Variants in MSI2 observed in about 807,000 individuals in gnomAD.
The protein encoded by MSI2 is musashi RNA binding protein 2, also known as RNA-binding protein Musashi homolog 2.
In MSI2, 17 loss-of-function variants were observed where a neutral mutation model predicts 45.6. The observed-to-expected ratio is 0.37, with a 90% CI of 0.26 to 0.56. The LOEUF (loss-of-function observed/expected upper bound fraction) is 0.56. Among genes scored for constraint, MSI2 ranks in the 20% least tolerant of loss-of-function variants. MSI2 has a pLI of 0.77. For synonymous variants in MSI2, 156 were observed against 158.2 expected (o/e 0.99, Z 0.11); for missense variants, 293 against 444.2 (o/e 0.66, Z 3.06).
At chr17:57,687,044 T>G (rs1445342262), downstream of MSI2, among the ~76,000 whole-genome samples, 1 of 148,984 alleles carries the variant, frequency 6.7e-6, no homozygotes, top group Non-Finnish European at 1.5e-5. Context: ...ATAATTAACA[T>G]GTGGCTATAA....
intron 5 of MSI2, among the ~76,000 whole-genome samples, chr17:57,375,687 A>G (rs921423851): frequency 6.6e-6 from 1 of 152,198 alleles, no homozygotes; most frequent in Non-Finnish European, 1.5e-5. Context: ...CCCAGCAAGA[A>G]TGGAGGCACA....
chr17:57,561,971 A>G (rs2087587350), intron 7 of MSI2, among the ~76,000 whole-genome samples: 1 of 152,222 alleles, frequency 6.6e-6, no homozygotes, highest in Non-Finnish European at 1.5e-5. Flanking sequence ...TATTATATAT[A>G]TAAGCTACTT....
At chr17:57,547,566 A>G (rs2087197529) in intron 7 of MSI2, among the ~76,000 whole-genome samples, 2 of 151,794 alleles carry the variant, frequency 1.3e-5, no homozygotes, top group Non-Finnish European at 2.9e-5. Context: ...GAGAGAGAAA[A>G]ATTAGAGTGA....
intron 7 of MSI2, among the ~76,000 whole-genome samples, chr17:57,594,228 G>A (rs1042814254): frequency 1.3e-5 from 2 of 152,194 alleles, no homozygotes; most frequent in African/African-American, 4.8e-5. Context: ...CCTCCGCAGT[G>A]CCACCCCTCC....
chr17:57,516,531 A>G (rs1197031287), intron 6 of MSI2, among the ~76,000 whole-genome samples: 5 of 152,166 alleles, frequency 3.3e-5, no homozygotes, highest in Admixed American at 6.5e-5. Flanking sequence ...TGATTTCACA[A>G]CTTTGTAGTT....
chr17:57,451,902 C>T (rs1464869074), intron 6 of MSI2, among the ~76,000 whole-genome samples: 1 of 152,198 alleles, frequency 6.6e-6, no homozygotes, highest in Non-Finnish European at 1.5e-5. Context: ...TCACCCTCAT[C>T]AGCTGGCTAG....
intron 5 of MSI2, among the ~76,000 whole-genome samples, chr17:57,346,231 ATT>A (rs923457943): frequency 6.6e-6 from 1 of 152,128 alleles, no homozygotes; most frequent in African/African-American, 2.4e-5. Flanking sequence ...GCTCACTTGT[ATT>A]TCGTGAGAAT....
At chr17:57,436,397 A>G (rs546053300) in intron 6 of MSI2, among the ~76,000 whole-genome samples, 1 of 152,312 alleles carries the variant, frequency 6.6e-6, no homozygotes, top group East Asian at 1.9e-4. Context: ...CAGATTATGG[A>G]AGGAGGAATG....
the MSI2 span, among the ~76,000 whole-genome samples, chr17:57,699,317 G>A: frequency 1.3e-5 from 2 of 150,290 alleles, no homozygotes; most frequent in East Asian, 4.1e-4. Context: ...CCATCACTGG[G>A]ACCATGAGGG....
chr17:57,633,238 G>T, intron 10 of MSI2: 5 of 959,702 alleles, frequency 5.2e-6, no homozygotes, highest in Non-Finnish European at 6.3e-6. Context: ...CGCTCCGGGG[G>T]AGGTGAATGC....
chr17:57,657,205 G>A (rs994768618), intron 11 of MSI2, among the ~76,000 whole-genome samples: 16 of 152,202 alleles, frequency 1.1e-4, no homozygotes, highest in East Asian at 3.8e-4. Context: ...TGGCAGAATC[G>A]GAATGAACAA....
intron 7 of MSI2, among the ~76,000 whole-genome samples, chr17:57,591,560 C>T (rs926120836): frequency 6.6e-6 from 1 of 151,572 alleles, no homozygotes; most frequent in Non-Finnish European, 1.5e-5. Flanking sequence ...CCCATCTCTA[C>T]AAAAAAATTA....
intron 6 of MSI2, among the ~76,000 whole-genome samples, chr17:57,502,608 T>TATATAG (rs1182429583): frequency 1.1e-5 from 1 of 94,402 alleles, no homozygotes; most frequent in Non-Finnish European, 2.1e-5. Context: ...CTGAGATATA[T>TATATAG]ATATATATAT....
In MSI2 at chr17:57,681,778, AACTT is replaced by A. The variant is rs1220297425; in HGVS notation, c.*2262_*2265del. 5.2e-6 allele frequency: 1 copy of A among 190,958 alleles called. No individual in the cohort carries two copies. Among genetic ancestry groups the A allele is most frequent in the Non-Finnish European group, 1.1e-5 (1 of 91,666 alleles). The allele number at this position is 190,958 out of a possible 1,614,324, so 11.8% of individuals were successfully genotyped here. On this transcript the variant is annotated 3_prime_UTR_variant, in exon 14 of 14. Transcript: ENST00000284073. ...ATGCTGAGCGCTTTTAAAATATCAA[AACTT>A]GTTCAAGTCATAAAACAACAAAACA...
chr17:57,505,073 G>T (rs1237133423), intron 6 of MSI2, among the ~76,000 whole-genome samples: 1 of 152,140 alleles, frequency 6.6e-6, no homozygotes, highest in African/African-American at 2.4e-5. Flanking sequence ...AGGAGGTTGG[G>T]GTCACTAGTT....
At chr17:57,697,716 ATG>A in the MSI2 span, among the ~76,000 whole-genome samples, 1 of 152,180 alleles carries the variant, frequency 6.6e-6, no homozygotes, top group Non-Finnish European at 1.5e-5. Context: ...ACAAGGGAGA[ATG>A]AGAGCTAAGC....
intron 5 of MSI2, among the ~76,000 whole-genome samples, chr17:57,338,321 C>G (rs987093080): frequency 2.0e-5 from 3 of 152,182 alleles, no homozygotes; most frequent in Non-Finnish European, 2.9e-5. Flanking sequence ...AACTCCTGAC[C>G]TCAAATAACC....
chr17:57,664,118 TC>T (rs1912205183), intron 11 of MSI2, among the ~76,000 whole-genome samples: 2 of 152,208 alleles, frequency 1.3e-5, no homozygotes, highest in South Asian at 4.2e-4. Context: ...GACTAAAGGG[TC>T]CTTGGGAGCC....
intron 10 of MSI2, chr17:57,628,492 G>A (rs897178073): frequency 6.6e-6 from 1 of 152,234 alleles, no homozygotes; most frequent in African/African-American, 2.4e-5. Context: ...AACCAGCGGT[G>A]GAAGCCCCAA....
Sources: allele counts gnomAD v4.1 joint callset (sites outside exome capture counted in the v4.1 genomes callset), GRCh38; gene constraint gnomAD v4.1.1; transcripts MANE v1.5; gene names NCBI Gene and HGNC (gene_info 2026-07-23, HGNC 2026-07-21).